The following RUFY2 variants were observed in gnomAD, a reference collection of about 807,000 sequenced individuals.
RUFY2 encodes the protein RUN and FYVE domain-containing protein 2.
Under a neutral mutation model 94.4 loss-of-function variants are expected in RUFY2, and 49 were observed. That is an observed-to-expected ratio of 0.52 (90% CI 0.41 to 0.66). The LOEUF (loss-of-function observed/expected upper bound fraction) is 0.66. Among genes scored for constraint, RUFY2 ranks in the 30% least tolerant of loss-of-function variants. RUFY2 has a pLI of 0.00. For missense variants in RUFY2, 541 were observed against 692.8 expected (o/e 0.78, Z 2.46); for synonymous variants, 255 against 235.7 (o/e 1.08, Z -0.75).
At position 68,376,442 on chromosome 10, in the gene RUFY2, GTATATATATATATATATATATA is replaced by G. The variant is rs764172830; in HGVS notation, c.1325+389_1325+410del. Among the ~76,000 whole-genome samples the G allele has an allele frequency of 2.8e-3, 78 of 27,968 alleles. 4 individuals carry two copies. Among genetic ancestry groups the G allele is most frequent in the East Asian group, 0.025 (17 of 682 alleles). 18.3% of individuals were successfully genotyped at this position (27,968 alleles called of 152,430 possible). A position where few individuals can be genotyped will look rare whatever the true frequency, so the allele number is the denominator to read the frequency against. On this transcript the variant is annotated intron_variant, in intron 13 of 17. Coordinates refer to ENST00000602465, the MANE Select transcript of RUFY2 (RefSeq NM_001330103.2). ...GAAACTTCATCTCAAAAAAATGTGT[GTATATATATATATATATATATA>G]TATATATATATATATATATATATAT... is the stretch of plus-strand genomic sequence containing the variant.
At position 68,363,653 on chromosome 10, in the gene RUFY2, T is replaced by A; in HGVS notation, c.1487A>T (p.Gln496Leu). Residue 496 changes from glutamine (Q) to leucine (L), a missense_variant, in exon 15 of 18, where the codon CAG becomes CTG. Transcript: ENST00000602465. Reference protein sequence around the residue: ...EFLNLQDENQQLKKIYHEQEQ... With the variant: ...EFLNLQDENQLLKKIYHEQEQ... ...TTGTTCATGATATATTTTTTTCAAC[T>A]GCTGATTTTCATCCTGGAGGTTAAG... The A allele has an allele frequency of 6.2e-7, 1 of 1,607,566 alleles. No homozygotes were observed. The highest frequency in any genetic ancestry group is 1.3e-5 in the African/African-American group (1 of 74,776).
chr10:68,405,612 G>A (rs976504033), intron 1 of RUFY2: 1 of 803,898 alleles, frequency 1.2e-6, no homozygotes, highest in South Asian at 5.7e-5. Context: ...ATAAAAGGTA[G>A]TTAAAATTCT....
At chr10:68,348,181 T>C (rs1313891928) in intron 16 of RUFY2, among the ~76,000 whole-genome samples, 4 of 150,358 alleles carry the variant, frequency 2.7e-5, no homozygotes, top group Non-Finnish European at 4.4e-5. Flanking sequence ...GCTTGAATCA[T>C]AGAATTTTTT....
At chr10:68,348,696 ACTT>A (rs969778026) in intron 16 of RUFY2, among the ~76,000 whole-genome samples, 32 of 152,178 alleles carry the variant, frequency 2.1e-4, no homozygotes, top group African/African-American at 7.7e-4. Context: ...GCCTTTGGAG[ACTT>A]CTTTTCATTG....
At position 68,376,442 on chromosome 10, in the gene RUFY2, GTATATATATATATATATATATATATA is replaced by G. The variant is rs764172830; in HGVS notation, c.1325+385_1325+410del. Among the ~76,000 whole-genome samples the G allele has an allele frequency of 3.6e-4, 10 of 27,968 alleles. No homozygotes were observed. The South Asian group carries it at 0.01, about 29-fold the overall frequency. The allele number at this position is 27,968 out of a possible 152,430, so 18.3% of individuals were successfully genotyped here. On this transcript the variant is annotated intron_variant, in intron 13 of 17. Coordinates refer to ENST00000602465, the MANE Select transcript of RUFY2 (RefSeq NM_001330103.2). ...GAAACTTCATCTCAAAAAAATGTGT[GTATATATATATATATATATATATATA>G]TATATATATATATATATATATATTC...
intron 13 of RUFY2, among the ~76,000 whole-genome samples, chr10:68,368,678 G>T (rs188686925): frequency 6.6e-6 from 1 of 152,124 alleles, no homozygotes; most frequent in East Asian, 1.9e-4. Context: ...AACAACAAGA[G>T]AAGACTCCAG....
chr10:68,347,272 T>C lies in RUFY2; in HGVS notation c.1600-1188A>G, dbSNP rs114508007. Reference sequence around the variant, plus strand: ...AGTCTTAAGCAGTATTTATGACAACTTGACCCTTTTTTTTTTTTTTTTTTT... The same window carrying C: ...AGTCTTAAGCAGTATTTATGACAACCTGACCCTTTTTTTTTTTTTTTTTTT... On this transcript the variant is annotated intron_variant, in intron 16 of 17. Coordinates refer to ENST00000602465, the MANE Select transcript of RUFY2 (RefSeq NM_001330103.2). 7.7e-3 allele frequency among the ~76,000 whole-genome samples: 1,130 copies of C among 146,332 alleles called. 26 individuals carry two copies. The highest frequency in any genetic ancestry group is 0.027 in the African/African-American group (1,093 of 40,390).
At chr10:68,342,118 T>C, downstream of RUFY2, 1 of 1,122,376 alleles carries the variant, frequency 8.9e-7, no homozygotes, top group Non-Finnish European at 1.3e-6. Context: ...TTCTTACAGA[T>C]TTAATTTCTT....
At chr10:68,370,606 C>T (rs750208389) in intron 13 of RUFY2, among the ~76,000 whole-genome samples, 2 of 151,846 alleles carry the variant, frequency 1.3e-5, no homozygotes, top group Non-Finnish European at 2.9e-5. Context: ...AGGTAGGGCA[C>T]ATGCCACTGC....
chr10:68,384,020 G>A, intron 9 of RUFY2, 31 bp downstream of exon 9: 1 of 1,591,872 alleles, frequency 6.3e-7, no homozygotes, highest in Non-Finnish European at 8.6e-7. Context: ...TCTGACACGA[G>A]ATTGTCTGCT....
At chr10:68,406,986 C>A in intron 1 of RUFY2, 200 bp downstream of exon 1, 1 of 1,527,690 alleles carries the variant, frequency 6.5e-7, no homozygotes, top group Non-Finnish European at 8.8e-7. Context: ...GGGAACGGGC[C>A]GGAACAAGGG....
intron 7 of RUFY2, among the ~76,000 whole-genome samples, chr10:68,392,506 A>G (rs571464659): frequency 6.6e-6 from 1 of 152,316 alleles, no homozygotes; most frequent in South Asian, 2.1e-4. Context: ...AGCCCTTTGA[A>G]GTAGGAAAAA....
intron 11 of RUFY2, 50 bp from the exon 12 acceptor site, chr10:68,379,571 TTGTGTG>T: frequency 8.3e-7 from 1 of 1,208,332 alleles, no homozygotes; most frequent in Non-Finnish European, 1.2e-6. Flanking sequence ...GTGTGTGTGT[TTGTGTG>T]TGTGTGTGTG....
chr10:68,376,970 A>C lies in RUFY2; in HGVS notation c.1208T>G (p.Leu403Trp), dbSNP rs2048723441. Residue 403 changes from leucine to tryptophan, a missense_variant and splice_region_variant, in exon 13 of 18, where the codon TTG becomes TGG. Around this residue, in one of 3 missense-constraint regions of RUFY2, gnomAD observed 403 missense variants for 480.7 expected, o/e 0.84. Transcript: ENST00000602465. ...CATTTGCGCCTTCTCTGCTTGCTGC[A>C]ATCTGGTGTAATTCAAATCAACTTT... Reference protein sequence around the residue: ...TAAMRQLEQRLQQAEKAQMEA... With the variant: ...TAAMRQLEQRWQQAEKAQMEA... The C allele has an allele frequency of 2.5e-6, 4 of 1,613,380 alleles. No individual in the cohort carries two copies. Among genetic ancestry groups the C allele is most frequent in the Non-Finnish European group, 3.4e-6 (4 of 1,179,898 alleles).
chr10:68,341,852 G>A, downstream of RUFY2: 1 of 1,608,282 alleles, frequency 6.2e-7, no homozygotes, highest in Non-Finnish European at 8.5e-7. Flanking sequence ...GGTGGTTATG[G>A]TAAGTATCTC....
In RUFY2 at chr10:68,401,738, C is replaced by T; in HGVS notation, c.179-1G>A. ...TTGTAACTCAAAAATGATTTTCTTACTGAAAAAAAGAACACATAATGCACA... is the reference window on the plus strand; with the variant it reads ...TTGTAACTCAAAAATGATTTTCTTATTGAAAAAAAGAACACATAATGCACA... On this transcript the variant is annotated splice_acceptor_variant, in intron 2 of 17. Coordinates refer to ENST00000602465, the MANE Select transcript of RUFY2 (RefSeq NM_001330103.2). LOFTEE classifies it high-confidence loss of function. 1 of 1,585,772 alleles carries T rather than the reference C, an allele frequency of 6.3e-7. No homozygotes were observed.
chr10:68,343,808 T>TTAAAAAAAAA lies in RUFY2; in HGVS notation c.*1959_*1960insTTTTTTTTTA, dbSNP rs1554869876. ...GCAAGTTGCTGTCATAAAAGCTGCCTAAAAAAAAAAAAAAAAAAAAAAAAA... is the reference window on the plus strand; with the variant it reads ...GCAAGTTGCTGTCATAAAAGCTGCCTTAAAAAAAAAAAAAAAAAAAAAAAAAAAAAAAAAA... On this transcript the variant is annotated 3_prime_UTR_variant, in exon 18 of 18. Coordinates refer to ENST00000602465, the MANE Select transcript of RUFY2 (RefSeq NM_001330103.2). 3 of 115,666 alleles carry TTAAAAAAAAA rather than the reference T, an allele frequency of 2.6e-5. 1 individual carries two copies. The highest frequency in any genetic ancestry group is 8.8e-5 in the Admixed American group (1 of 11,320). The allele number at this position is 115,666 out of a possible 1,614,324, so 7.2% of individuals were successfully genotyped here.
rs530283064 is a variant in RUFY2 at position 68,367,424 on chromosome 10, A to AC, written c.1326-3312_1326-3311insG. Reference sequence around the variant, plus strand: ...TTGTAACTTAAAATTAAGAGGAATTATTTTTTTTCTGAATGTTTTGGGGTT... The same window carrying AC: ...TTGTAACTTAAAATTAAGAGGAATTACTTTTTTTTCTGAATGTTTTGGGGTT... On this transcript the variant is annotated intron_variant, in intron 13 of 17. Coordinates refer to ENST00000602465, the MANE Select transcript of RUFY2 (RefSeq NM_001330103.2). 6.2e-3 allele frequency among the ~76,000 whole-genome samples: 942 copies of AC among 151,772 alleles called. 16 individuals are homozygous for AC. Among genetic ancestry groups the AC allele is most frequent in the African/African-American group, 0.022 (905 of 41,398 alleles).
At chr10:68,395,972 C>G (rs2050361032) in intron 4 of RUFY2, among the ~76,000 whole-genome samples, 1 of 152,136 alleles carries the variant, frequency 6.6e-6, no homozygotes, top group South Asian at 2.1e-4. Context: ...CTTTGAAAAT[C>G]TGTCTTAAAT....
Sources: gnomAD v4.1 joint callset for allele counts (sites outside exome capture counted in the v4.1 genomes callset) on GRCh38, gnomAD v4.1.1 for gene constraint, gnomAD v4.1.1 regional missense constraint, MANE v1.5 for transcripts, NCBI Gene and HGNC (gene_info 2026-07-23, HGNC 2026-07-21) for gene names.